DTNA: variants seen among roughly 807,000 people sequenced by gnomAD.
DTNA encodes the protein dystrobrevin alpha.
DTNA carries 43 observed loss-of-function variants against 100.7 expected under a neutral mutation model. That is an observed-to-expected ratio of 0.43 (90% confidence interval 0.33 to 0.55). The LOEUF (loss-of-function observed/expected upper bound fraction) is 0.55, where lower values mean the gene tolerates loss of function less well. DTNA is among the 20% of genes least tolerant of loss of function. The pLI is 0.04. For synonymous variants in DTNA, 349 were observed against 347.9 expected (o/e 1.00, Z -0.04); for missense variants, 798 against 953.9 (o/e 0.84, Z 2.15).
intron 1 of DTNA, among the ~76,000 whole-genome samples, chr18:34,738,646 C>T (rs748871820): frequency 2.0e-5 from 3 of 152,112 alleles, no homozygotes; most frequent in African/African-American, 4.8e-5. Context: ...TCTGCCGTCC[C>T]GATGTGACAA....
chr18:34,782,677 A>C (rs1275654361), intron 3 of DTNA, among the ~76,000 whole-genome samples: 1 of 152,128 alleles, frequency 6.6e-6, no homozygotes, highest in Non-Finnish European at 1.5e-5. Flanking sequence ...AATGTCCTGG[A>C]ATTTATGAAG....
At chr18:34,855,706 A>G (rs926781833) in intron 15 of DTNA, among the ~76,000 whole-genome samples, 11 of 152,356 alleles carry the variant, frequency 7.2e-5, no homozygotes, top group Non-Finnish European at 1.3e-4. Flanking sequence ...CAGAGTTTCC[A>G]CAAGCTGCAG....
intron 1 of DTNA, among the ~76,000 whole-genome samples, chr18:34,548,281 C>G (rs1452089096): frequency 1.3e-5 from 2 of 152,092 alleles, no homozygotes; most frequent in African/African-American, 4.8e-5. Flanking sequence ...TGTCCCTATA[C>G]TCTGGTAATT....
At chr18:34,607,000 G>T (rs2053258866) in intron 1 of DTNA, among the ~76,000 whole-genome samples, 1 of 152,108 alleles carries the variant, frequency 6.6e-6, no homozygotes, top group African/African-American at 2.4e-5. Context: ...AAAATAAAAT[G>T]AATACATTCC....
At chr18:34,607,962 G>C (rs946718013) in intron 1 of DTNA, among the ~76,000 whole-genome samples, 5 of 152,114 alleles carry the variant, frequency 3.3e-5, no homozygotes, top group African/African-American at 1.2e-4. Context: ...GCAAGACAGA[G>C]GATTATAACA....
At chr18:34,677,752 A>G (rs2077568331) in intron 1 of DTNA, among the ~76,000 whole-genome samples, 1 of 152,192 alleles carries the variant, frequency 6.6e-6, no homozygotes, top group South Asian at 2.1e-4. Context: ...GTAATAATAC[A>G]TTTAATTCAA....
At chr18:34,509,571 A>G (rs2040829414) in intron 1 of DTNA, among the ~76,000 whole-genome samples, 1 of 150,188 alleles carries the variant, frequency 6.7e-6, no homozygotes, top group South Asian at 2.1e-4. Flanking sequence ...ATGATGCTAA[A>G]TACCCTTTAG....
At chr18:34,570,694 C>T (rs2047502918) in intron 1 of DTNA, among the ~76,000 whole-genome samples, 1 of 152,130 alleles carries the variant, frequency 6.6e-6, no homozygotes, top group Non-Finnish European at 1.5e-5. Context: ...TCACAAAATA[C>T]TGGTGGTAGG....
chr18:34,779,665 C>A (rs1027650093), intron 3 of DTNA, among the ~76,000 whole-genome samples: 9 of 152,134 alleles, frequency 5.9e-5, no homozygotes, highest in Admixed American at 5.9e-4. Flanking sequence ...CTTTTCAAAG[C>A]CCCCTCCCCC....
chr18:34,845,752 A>T (rs1256330462), intron 13 of DTNA, among the ~76,000 whole-genome samples: 2 of 152,212 alleles, frequency 1.3e-5, no homozygotes, highest in Non-Finnish European at 2.9e-5. Context: ...CCATTGCAGA[A>T]TGCAGACATT....
chr18:34,555,216 G>A (rs1363602512), intron 1 of DTNA, among the ~76,000 whole-genome samples: 4 of 142,270 alleles, frequency 2.8e-5, no homozygotes, highest in African/African-American at 1.1e-4. Context: ...GGGATCGGTG[G>A]TGATATCCCC....
chr18:34,783,451 GT>G (rs2094409453), intron 3 of DTNA, among the ~76,000 whole-genome samples: 1 of 152,172 alleles, frequency 6.6e-6, no homozygotes, highest in Non-Finnish European at 1.5e-5. Context: ...GGAAATTAAA[GT>G]GAAACTAAAA....
rs186735765 is a variant in DTNA, at chr18:34,766,212, G to A, written c.148+171G>A. Among the ~76,000 whole-genome samples, 6 of 152,286 alleles carry A rather than the reference G, an allele frequency of 3.9e-5. No individual in the cohort carries two copies. In the East Asian group the frequency reaches 1.2e-3, roughly 29 times the overall value. Reference sequence around the variant, plus strand: ...CACAAATGGTAGAGATGACTCCTAAGTAGTCTTGAAATCTGAAAATGCTTA... The same window carrying A: ...CACAAATGGTAGAGATGACTCCTAAATAGTCTTGAAATCTGAAAATGCTTA... On this transcript the variant is annotated intron_variant, in intron 3 of 22. Coordinates refer to ENST00000444659, the MANE Select transcript of DTNA (RefSeq NM_001386795.1).
chr18:34,518,704 C>CGTGTGTGT (rs57035462), intron 1 of DTNA, among the ~76,000 whole-genome samples: 69 of 121,576 alleles, frequency 5.7e-4, no homozygotes, highest in South Asian at 2.8e-3. Flanking sequence ...ATTTGGCAAA[C>CGTGTGTGT]GTGTGTGTGT....
At chr18:34,684,833 C>T (rs1383408365) in intron 1 of DTNA, among the ~76,000 whole-genome samples, 3 of 152,094 alleles carry the variant, frequency 2.0e-5, no homozygotes, top group Non-Finnish European at 2.9e-5. Context: ...TTTCAATGAT[C>T]GCCGTTCTAA....
intron 1 of DTNA, among the ~76,000 whole-genome samples, chr18:34,681,998 C>T (rs1021184266): frequency 6.6e-6 from 1 of 152,134 alleles, no homozygotes; most frequent in African/African-American, 2.4e-5. Context: ...CATCTTTTTA[C>T]TGGCTCCATA....
chr18:34,644,352 T>C (rs537408695), intron 1 of DTNA, among the ~76,000 whole-genome samples: 2 of 152,300 alleles, frequency 1.3e-5, no homozygotes, highest in African/African-American at 4.8e-5. Flanking sequence ...CTACTTGTAA[T>C]GTTTATGTTT....
intron 5 of DTNA, 95 bp downstream of exon 5, chr18:34,806,399 T>G: frequency 9.8e-7 from 1 of 1,015,330 alleles, no homozygotes; most frequent in African/African-American, 1.6e-5. Flanking sequence ...CCCATTTGTA[T>G]CTTTCCTCAT....
At chr18:34,559,937 T>G (rs1365067190) in intron 1 of DTNA, among the ~76,000 whole-genome samples, 1 of 152,224 alleles carries the variant, frequency 6.6e-6, no homozygotes, top group Non-Finnish European at 1.5e-5. Context: ...TTAGAATTAT[T>G]ATGATTGTAA....
Sources: allele counts gnomAD v4.1 joint callset (sites outside exome capture counted in the v4.1 genomes callset), GRCh38; gene constraint gnomAD v4.1.1; transcripts MANE v1.5; gene names NCBI Gene and HGNC (gene_info 2026-07-23, HGNC 2026-07-21).